Variants in ATP2B4 observed in about 807,000 individuals in gnomAD.
ATP2B4 encodes the protein ATPase plasma membrane Ca2+ transporting 4.
A neutral mutation model predicts 110.3 loss-of-function variants in ATP2B4; 39 were observed. The ratio of observed to expected loss-of-function variants is 0.35; its 90% CI spans 0.27 to 0.46. The LOEUF (loss-of-function observed/expected upper bound fraction) is 0.46, where lower values mean the gene tolerates loss of function less well. Among genes scored for constraint, ATP2B4 ranks in the 20% least tolerant of loss-of-function variants. The probability of loss-of-function intolerance (pLI) is 1.00; values close to 1 mark genes in which losing one functional copy is unlikely to be tolerated. For synonymous variants in ATP2B4, 538 were observed against 571.7 expected, an observed-to-expected ratio of 0.94 and a Z score of 0.84; for missense variants, 1,135 against 1,530.9, an observed-to-expected ratio of 0.74 and a Z score of 4.32.
chr1:203,713,755 G>A (rs905055208), intron 14 of ATP2B4, among the ~76,000 whole-genome samples: 11 of 152,118 alleles, frequency 7.2e-5, no homozygotes, highest in South Asian at 4.1e-4. Flanking sequence ...GTGAGCCACC[G>A]CACCTGGCAA....
intron 19 of ATP2B4, among the ~76,000 whole-genome samples, chr1:203,725,182 T>C (rs1666472121): frequency 6.7e-6 from 1 of 148,942 alleles, no homozygotes; most frequent in Non-Finnish European, 1.5e-5. Flanking sequence ...GGCCCAGCTC[T>C]TGTTGCCCAG....
At chr1:203,692,445 C>T (rs12042037) in intron 2 of ATP2B4, among the ~76,000 whole-genome samples, 35,646 of 152,158 alleles carry the variant, frequency 0.23, 5,007 homozygotes, top group East Asian at 0.61. Flanking sequence ...TCCCAAAATT[C>T]TGGGATTACA....
chr1:203,633,678 A>G (rs779974971), intron 1 of ATP2B4, among the ~76,000 whole-genome samples: 3 of 151,736 alleles, frequency 2.0e-5, no homozygotes, highest in Non-Finnish European at 4.4e-5. Flanking sequence ...GTGCCACTGC[A>G]CTTCCAGTGG....
intron 1 of ATP2B4, among the ~76,000 whole-genome samples, chr1:203,671,917 G>A (rs1558026173): frequency 6.6e-6 from 1 of 152,168 alleles, no homozygotes; most frequent in Non-Finnish European, 1.5e-5. Flanking sequence ...TTGCCTGGGT[G>A]GCACTGCTAC....
rs57982970 is a variant in ATP2B4 at position 203,726,582 on chromosome 1, C to T, written c.3133-813C>T. 6.0e-3 allele frequency among the ~76,000 whole-genome samples: 914 copies of T among 152,248 alleles called. 12 individuals are homozygous for T. The highest frequency in any genetic ancestry group is 0.018 in the African/African-American group (751 of 41,552). ...CAGCAGCCTTCCTTCTGTATCACAA[C>T]AGCTTTTTCCACATTCAGAGGCAGA... is the stretch of plus-strand genomic sequence containing the variant. On this transcript the variant is annotated intron_variant, in intron 19 of 20. Transcript: ENST00000357681.
chr1:203,703,928 G>T lies in ATP2B4; in HGVS notation c.1099+115G>T. ...GGCAGAAAGAAGCTGAAACTTCAGGGTGGCTAGTTGGGGCTAGGCGGCTGT... is the reference window on the plus strand; with the variant it reads ...GGCAGAAAGAAGCTGAAACTTCAGGTTGGCTAGTTGGGGCTAGGCGGCTGT... On this transcript the variant is annotated intron_variant, in intron 8 of 20. Transcript: ENST00000357681. 5 of 1,360,436 alleles carry T rather than the reference G, an allele frequency of 3.7e-6. No homozygotes were observed. In the South Asian group the frequency reaches 7.5e-5, roughly 20 times the overall value. 84.3% of individuals were successfully genotyped at this position (1,360,436 alleles called of 1,614,324 possible). A position where few individuals can be genotyped will look rare whatever the true frequency, so the allele number is the denominator to read the frequency against.
chr1:203,651,994 T>A (rs1664011097), intron 1 of ATP2B4, among the ~76,000 whole-genome samples: 1 of 147,188 alleles, frequency 6.8e-6, no homozygotes, highest in Admixed American at 6.7e-5. Context: ...GAAGTGGAGG[T>A]GGCAGTGAGC....
At chr1:203,671,783 C>T (rs1203140319) in intron 1 of ATP2B4, among the ~76,000 whole-genome samples, 2 of 152,324 alleles carry the variant, frequency 1.3e-5, no homozygotes, top group Non-Finnish European at 1.5e-5. Flanking sequence ...TAGCCCTTCA[C>T]CCCAAAGCTA....
At chr1:203,634,086 A>T (rs1292330300) in intron 1 of ATP2B4, among the ~76,000 whole-genome samples, 1 of 152,168 alleles carries the variant, frequency 6.6e-6, no homozygotes, top group Non-Finnish European at 1.5e-5. Context: ...TTAATAGAAA[A>T]ATACTAGTTT....
intron 2 of ATP2B4, among the ~76,000 whole-genome samples, chr1:203,688,528 C>G (rs1254535671): frequency 1.3e-5 from 2 of 151,828 alleles, no homozygotes; most frequent in South Asian, 2.1e-4. Context: ...TCCTGAACTC[C>G]TGGCCTCAAG....
chr1:203,688,069 G>T (rs2102369243), intron 2 of ATP2B4, among the ~76,000 whole-genome samples: 1 of 150,664 alleles, frequency 6.6e-6, no homozygotes, highest in Non-Finnish European at 1.5e-5. Context: ...TGTCACCCAG[G>T]CTGGAGTGCA....
intron 1 of ATP2B4, among the ~76,000 whole-genome samples, chr1:203,669,746 G>A (rs1183841972): frequency 6.6e-6 from 1 of 152,082 alleles, no homozygotes; most frequent in Non-Finnish European, 1.5e-5. Flanking sequence ...CCCTTTCTGG[G>A]ACTTTCATAC....
chr1:203,693,854 A>G (rs1571730433), intron 2 of ATP2B4, among the ~76,000 whole-genome samples: 1 of 152,198 alleles, frequency 6.6e-6, no homozygotes, highest in Non-Finnish European at 1.5e-5. Flanking sequence ...CAGAAACTTC[A>G]GTGCTAAAAC....
intron 20 of ATP2B4, chr1:203,728,289 A>T: frequency 2.5e-6 from 1 of 408,082 alleles, no homozygotes. Context: ...TAGCCCCACA[A>T]TAACTTTTAT....
At chr1:203,735,684 G>T (rs1291325279) in intron 20 of ATP2B4, among the ~76,000 whole-genome samples, 1 of 152,152 alleles carries the variant, frequency 6.6e-6, no homozygotes, top group Non-Finnish European at 1.5e-5. Context: ...AAAAAAACAG[G>T]CAAGAAAGAA....
At chr1:203,690,458 C>T (rs1665333570) in intron 2 of ATP2B4, among the ~76,000 whole-genome samples, 1 of 152,074 alleles carries the variant, frequency 6.6e-6, no homozygotes. Context: ...GATGCATGCC[C>T]CCCGCTTAGA....
chr1:203,699,110 T>C (rs186582155), intron 3 of ATP2B4, among the ~76,000 whole-genome samples: 1 of 152,232 alleles, frequency 6.6e-6, no homozygotes, highest in East Asian at 1.9e-4. Flanking sequence ...AACAAAACCC[T>C]ACATCTCAAA....
At chr1:203,738,520 CCGCACGTGGTTTCCT>C (rs1666925693) in intron 20 of ATP2B4, among the ~76,000 whole-genome samples, 2 of 152,142 alleles carry the variant, frequency 1.3e-5, no homozygotes, top group African/African-American at 4.8e-5. Context: ...CCCAGTAAAA[CCGCACGTGGTTTCCT>C]TTCCTTCATC....
intron 1 of ATP2B4, among the ~76,000 whole-genome samples, chr1:203,632,904 G>T (rs1057069982): frequency 1.3e-5 from 2 of 151,976 alleles, no homozygotes; most frequent in African/African-American, 2.4e-5. Context: ...AGGGGAAAAA[G>T]AATCTTTCGG....
Sources: allele counts gnomAD v4.1 joint callset (sites outside exome capture counted in the v4.1 genomes callset), GRCh38; gene constraint gnomAD v4.1.1; transcripts MANE v1.5; gene names NCBI Gene and HGNC (gene_info 2026-07-23, HGNC 2026-07-21).